COL6A6: variants seen among roughly 807,000 people sequenced by gnomAD.
The protein encoded by COL6A6 is collagen alpha-6(VI) chain.
A neutral mutation model predicts 208.6 loss-of-function variants in COL6A6; 183 were observed. The ratio of observed to expected loss-of-function variants is 0.88; its 90% confidence interval spans 0.78 to 0.99. COL6A6 has a LOEUF of 0.99. COL6A6 is among the 50% of genes least tolerant of loss of function. The pLI is 0.00. For synonymous variants in COL6A6, 973 were observed against 1,011.8 expected, an observed-to-expected ratio of 0.96 and a Z score of 0.73; for missense variants, 2,816 against 2,815.2, an observed-to-expected ratio of 1.00 and a Z score of -0.01.
chr3:130,538,840 TCTC>T (rs1228221039), intron 1 of COL6A6, among the ~76,000 whole-genome samples: 1 of 152,206 alleles, frequency 6.6e-6, no homozygotes, highest in East Asian at 1.9e-4. Flanking sequence ...TCAGAATTTC[TCTC>T]CTATCTCTAC....
At chr3:130,595,127 C>T (rs904653881) in intron 18 of COL6A6, among the ~76,000 whole-genome samples, 3 of 151,734 alleles carry the variant, frequency 2.0e-5, no homozygotes, top group African/African-American at 4.8e-5. Context: ...AAACTTATGA[C>T]ATAAAGGCAC....
chr3:130,642,241 ATATGTGTGTGTG>A (rs1002529053), intron 29 of COL6A6, among the ~76,000 whole-genome samples: 4 of 96,846 alleles, frequency 4.1e-5, no homozygotes, highest in African/African-American at 2.0e-4. Context: ...CTGACAGATT[ATATGTGTGTGTG>A]TGTGTGTGTG....
chr3:130,587,007 C>G (rs1455049260), intron 11 of COL6A6, among the ~76,000 whole-genome samples: 2 of 152,192 alleles, frequency 1.3e-5, no homozygotes, highest in Non-Finnish European at 2.9e-5. Flanking sequence ...TTAACCTCCA[C>G]CAGCCAGTTT....
At chr3:130,594,252 G>A (rs1231666613) in intron 17 of COL6A6, 29 bp from the exon 18 acceptor site, 4 of 1,542,870 alleles carry the variant, frequency 2.6e-6, no homozygotes, top group Middle Eastern at 1.8e-4. Context: ...TTCTTGTCTT[G>A]TTTTTCTTCT....
intron 1 of COL6A6, among the ~76,000 whole-genome samples, chr3:130,534,026 C>T (rs561578825): frequency 6.7e-4 from 102 of 152,248 alleles, no homozygotes; most frequent in African/African-American, 2.4e-3. Context: ...ACACATGTAC[C>T]AGGGTTTCTG....
chr3:130,616,642 C>G (rs1466473070), intron 23 of COL6A6, among the ~76,000 whole-genome samples: 2 of 149,284 alleles, frequency 1.3e-5, no homozygotes, highest in East Asian at 4.0e-4. Context: ...CTTATGCTTT[C>G]TTAGTGAATG....
Position 130,593,184 on chromosome 3 carries a change from C to T in COL6A6, c.4417-15C>T, listed in dbSNP as rs780269587. ...ACGAGAATTCTATTAATAGCTTTCC[C>T]TTCTTGTTTTTTAGGGTGATAATGG... On this transcript the variant is annotated splice_polypyrimidine_tract_variant and intron_variant, in intron 16 of 36. Coordinates refer to ENST00000358511, the MANE Select transcript of COL6A6 (RefSeq NM_001102608.3). 2 of 1,612,754 alleles carry T rather than the reference C, an allele frequency of 1.2e-6. No individual in the cohort carries two copies. The highest frequency in any genetic ancestry group is 1.1e-5 in the South Asian group (1 of 91,050).
chr3:130,530,823 G>A (rs947487597), intron 1 of COL6A6, among the ~76,000 whole-genome samples: 1 of 152,050 alleles, frequency 6.6e-6, no homozygotes, highest in African/African-American at 2.4e-5. Flanking sequence ...TCAGCTGAAG[G>A]CCTTAAGGAA....
chr3:130,536,469 C>A (rs2062227465), intron 1 of COL6A6, among the ~76,000 whole-genome samples: 1 of 152,132 alleles, frequency 6.6e-6, no homozygotes, highest in South Asian at 2.1e-4. Flanking sequence ...CAAATATTAC[C>A]ACAATAGATT....
At chr3:130,545,680 C>T (rs2062478260) in intron 1 of COL6A6, among the ~76,000 whole-genome samples, 2 of 152,232 alleles carry the variant, frequency 1.3e-5, no homozygotes, top group South Asian at 4.1e-4. Flanking sequence ...TAGTCTCAAA[C>T]TCCTGACCTC....
chr3:130,650,872 C>T (rs1217286272), intron 33 of COL6A6, among the ~76,000 whole-genome samples: 5 of 152,134 alleles, frequency 3.3e-5, no homozygotes, highest in African/African-American at 1.2e-4. Context: ...TTACCTTTAT[C>T]TGCAGGTCTT....
intron 33 of COL6A6, among the ~76,000 whole-genome samples, chr3:130,653,651 A>G (rs768606037): frequency 6.6e-6 from 1 of 152,234 alleles, no homozygotes; most frequent in African/African-American, 2.4e-5. Flanking sequence ...AGAAACATAA[A>G]TAATAGGACC....
chr3:130,586,421 T>C (rs1417878718), intron 10 of COL6A6, 85 bp from the exon 11 acceptor site: 3 of 1,243,858 alleles, frequency 2.4e-6, no homozygotes, highest in Non-Finnish European at 2.2e-6. Flanking sequence ...AGCTGTTCAC[T>C]GAGAATAACA....
chr3:130,562,931 A>G (rs1162808725), intron 2 of COL6A6, 137 bp from the exon 3 acceptor site: 9 of 595,622 alleles, frequency 1.5e-5, no homozygotes, highest in Non-Finnish European at 2.7e-5. Flanking sequence ...GTGCAGTTGC[A>G]GGCTATTATT....
At chr3:130,542,084 T>C (rs1272894199) in intron 1 of COL6A6, among the ~76,000 whole-genome samples, 2 of 151,866 alleles carry the variant, frequency 1.3e-5, no homozygotes, top group Non-Finnish European at 2.9e-5. Context: ...TTATCAATTT[T>C]ATTGTTTTTT....
chr3:130,522,032 C>A (rs1485744277), intron 1 of COL6A6, among the ~76,000 whole-genome samples: 1 of 152,098 alleles, frequency 6.6e-6, no homozygotes, highest in Non-Finnish European at 1.5e-5. Context: ...TTTGGGAGAA[C>A]CCAGTCTACC....
intron 32 of COL6A6, among the ~76,000 whole-genome samples, chr3:130,647,178 A>G (rs944772767): frequency 6.6e-6 from 1 of 152,124 alleles, no homozygotes; most frequent in African/African-American, 2.4e-5. Flanking sequence ...CCTCCTAGGT[A>G]CCACTGCCAT....
In COL6A6 at chr3:130,606,050, A is replaced by G. The variant is rs546567954; in HGVS notation, c.4654-881A>G. Among the ~76,000 whole-genome samples, 246 of 152,374 alleles carry G rather than the reference A, an allele frequency of 1.6e-3. 1 individual carries two copies. The highest frequency in any genetic ancestry group is 5.6e-3 in the African/African-American group (235 of 41,600). ...ATTTGGGTGGGGACACAGCCAAACT[A>G]TATCAAATAGATTTTGACTGAAATA... On this transcript the variant is annotated intron_variant, in intron 20 of 36. Coordinates refer to ENST00000358511, the MANE Select transcript of COL6A6 (RefSeq NM_001102608.3).
In COL6A6 at chr3:130,662,288, C is replaced by A. The variant is rs367938359; in HGVS notation, c.6482C>A (p.Ser2161Tyr). The A allele has an allele frequency of 5.0e-6, 8 of 1,612,972 alleles. No homozygotes were observed. The highest frequency in any genetic ancestry group is 4.2e-6 in the Non-Finnish European group (5 of 1,179,234). ...DHSYGVKFVK[S>Y]FINSIRRAIN... is the part of the protein sequence containing the mutation. ...AGTTATGGTGTGAAGTTTGTGAAGT[C>A]CTTTATAAACTCAATCAGGCGTAAG... The change falls in exon 35 of 37, where the codon TCC becomes TAC. Residue 2161 changes from serine to tyrosine, a missense_variant. Ser to Tyr is a moderately radical substitution (Grantham distance 144). Coordinates refer to ENST00000358511, the MANE Select transcript of COL6A6 (RefSeq NM_001102608.3).
Sources: allele counts gnomAD v4.1 joint callset (sites outside exome capture counted in the v4.1 genomes callset), GRCh38; gene constraint gnomAD v4.1.1; transcripts MANE v1.5; gene names NCBI Gene and HGNC (gene_info 2026-07-23, HGNC 2026-07-21).